The following LTBP1 variants were observed in gnomAD, a reference collection of about 807,000 sequenced individuals.
LTBP1 encodes the protein latent transforming growth factor beta binding protein 1, also known as latent-transforming growth factor beta-binding protein 1.
Under a neutral mutation model 207.6 loss-of-function variants are expected in LTBP1, and 129 were observed. That is an observed-to-expected ratio of 0.62 (90% CI 0.54 to 0.72). The LOEUF is 0.72. LTBP1 is among the 30% of genes least tolerant of loss of function. LTBP1 has a pLI of 0.00. For missense variants in LTBP1, 2,281 were observed against 2,217.2 expected, an observed-to-expected ratio of 1.03 and a Z score of -0.58; for synonymous variants, 963 against 833.7, an observed-to-expected ratio of 1.16 and a Z score of -2.67.
intron 15 of LTBP1, among the ~76,000 whole-genome samples, chr2:33,264,177 A>G (rs2093106149): frequency 6.7e-6 from 1 of 150,350 alleles, no homozygotes; most frequent in Admixed American, 6.7e-5. Flanking sequence ...AATGGCGTGA[A>G]CTCAGGAGGC....
At chr2:33,147,465 A>C (rs2083148012) in intron 5 of LTBP1, among the ~76,000 whole-genome samples, 1 of 152,172 alleles carries the variant, frequency 6.6e-6, no homozygotes, top group South Asian at 2.1e-4. Flanking sequence ...AAAGGTCTAA[A>C]CTATTATTAA....
At chr2:33,129,791 ATTGT>A (rs1178817000) in intron 4 of LTBP1, among the ~76,000 whole-genome samples, 1 of 152,080 alleles carries the variant, frequency 6.6e-6, no homozygotes, top group African/African-American at 2.4e-5. Context: ...TGTTGTAGCA[ATTGT>A]TTCTCTCTGC....
intron 4 of LTBP1, among the ~76,000 whole-genome samples, chr2:33,115,982 T>C (rs189593461): frequency 9.3e-4 from 142 of 152,356 alleles, no homozygotes; most frequent in African/African-American, 3.1e-3. Context: ...AATAATATTT[T>C]AAGTACAGTC....
At chr2:33,041,346 A>G (rs1441343218) in intron 3 of LTBP1, among the ~76,000 whole-genome samples, 8 of 151,808 alleles carry the variant, frequency 5.3e-5, no homozygotes, top group Non-Finnish European at 2.9e-5. Context: ...GTGCAGTGGC[A>G]TGATCTCGGC....
chr2:33,215,655 G>A (rs1158774992), intron 7 of LTBP1, among the ~76,000 whole-genome samples: 2 of 151,256 alleles, frequency 1.3e-5, no homozygotes, highest in Non-Finnish European at 2.9e-5. Context: ...TGGACCTTCT[G>A]TCACCACACT....
At chr2:33,215,260 C>G (rs1573228308) in intron 7 of LTBP1, among the ~76,000 whole-genome samples, 1 of 152,060 alleles carries the variant, frequency 6.6e-6, no homozygotes, top group East Asian at 1.9e-4. Flanking sequence ...GAGAAAGATA[C>G]TATTATGCAC....
intron 2 of LTBP1, among the ~76,000 whole-genome samples, chr2:32,993,823 G>A (rs372384322): frequency 6.6e-6 from 1 of 152,172 alleles, no homozygotes; most frequent in Non-Finnish European, 1.5e-5. Flanking sequence ...CCAGCTCAGG[G>A]TCACATGGCA....
intron 7 of LTBP1, among the ~76,000 whole-genome samples, chr2:33,195,736 T>C (rs1159771288): frequency 6.6e-6 from 1 of 152,252 alleles, no homozygotes; most frequent in Non-Finnish European, 1.5e-5. Context: ...GACTGACTCA[T>C]TTTGAAAGCA....
At chr2:33,385,559 T>G (rs2095258359) in intron 31 of LTBP1, among the ~76,000 whole-genome samples, 1 of 152,218 alleles carries the variant, frequency 6.6e-6, no homozygotes, top group Non-Finnish European at 1.5e-5. Flanking sequence ...ACAGATGTAG[T>G]CAAACAAGAA....
chr2:33,370,851 GCAC>G (rs1251750275), intron 31 of LTBP1, among the ~76,000 whole-genome samples: 1 of 152,126 alleles, frequency 6.6e-6, no homozygotes, highest in Non-Finnish European at 1.5e-5. Flanking sequence ...GGAATAAATC[GCAC>G]CACTTGTCAT....
rs760131323 is a variant in LTBP1, at chr2:33,397,334, A to G, written c.4984+52A>G. 17 of 1,595,236 alleles carry G rather than the reference A, an allele frequency of 1.1e-5. No individual in the cohort carries two copies. The African/African-American group carries it at 2.0e-4, about 19-fold the overall frequency. On this transcript the variant is annotated intron_variant, in intron 33 of 33. Transcript: ENST00000404816. ...CATTAATTTTTTCCTGACACCCCGT[A>G]TCTCAGTCAGTAGAGAACATTTAAG...
At chr2:33,265,552 A>G (rs540070504) in intron 15 of LTBP1, among the ~76,000 whole-genome samples, 19 of 152,214 alleles carry the variant, frequency 1.2e-4, no homozygotes, top group Admixed American at 2.6e-4. Context: ...ATTGAAATAT[A>G]GCAGGAAGTA....
intron 3 of LTBP1, among the ~76,000 whole-genome samples, chr2:33,021,514 T>A (rs539263030): frequency 6.6e-6 from 1 of 152,306 alleles, no homozygotes; most frequent in African/African-American, 2.4e-5. Context: ...AGTTGTTAGT[T>A]TAAAAATTCT....
chr2:33,193,031 T>A (rs949243155), intron 7 of LTBP1, among the ~76,000 whole-genome samples: 1 of 152,212 alleles, frequency 6.6e-6, no homozygotes, highest in African/African-American at 2.4e-5. Context: ...ACATGAACTT[T>A]GGGGGACACA....
chr2:33,280,624 C>T (rs1050775105), intron 19 of LTBP1, among the ~76,000 whole-genome samples: 6 of 152,190 alleles, frequency 3.9e-5, no homozygotes. Flanking sequence ...CTGTAGTTAG[C>T]TCTGCCCCTT....
intron 28 of LTBP1, among the ~76,000 whole-genome samples, chr2:33,362,445 G>T (rs1199701812): frequency 6.6e-6 from 1 of 152,116 alleles, no homozygotes; most frequent in African/African-American, 2.4e-5. Flanking sequence ...CTATGTTTTT[G>T]CAGGGATGTA....
intron 9 of LTBP1, among the ~76,000 whole-genome samples, chr2:33,231,160 C>T (rs567057761): frequency 6.6e-6 from 1 of 152,142 alleles, no homozygotes; most frequent in Non-Finnish European, 1.5e-5. Context: ...ATGCAATGTG[C>T]TTTATTTACT....
In LTBP1 at chr2:33,309,622, A is replaced by G; in HGVS notation, c.3604+66A>G. On this transcript the variant is annotated intron_variant, in intron 23 of 33. Transcript: ENST00000404816. ...TTCTTCAATTCTGCCATGTTGCCAG[A>G]TGATAGTCTGTGGTTTTGCCATGTG... 6.5e-6 allele frequency: 10 copies of G among 1,547,320 alleles called. No individual in the cohort carries two copies. The South Asian group carries it at 9.6e-5, about 15-fold the overall frequency.
intron 7 of LTBP1, among the ~76,000 whole-genome samples, chr2:33,199,655 T>A (rs540566546): frequency 6.6e-6 from 1 of 152,160 alleles, no homozygotes; most frequent in South Asian, 2.1e-4. Flanking sequence ...AAATAAAGGG[T>A]ATTCAGTTAG....
Sources: gnomAD v4.1 joint callset for allele counts (sites outside exome capture counted in the v4.1 genomes callset) on GRCh38, gnomAD v4.1.1 for gene constraint, MANE v1.5 for transcripts, NCBI Gene and HGNC (gene_info 2026-07-23, HGNC 2026-07-21) for gene names.